The following KIF1A variants were observed in gnomAD, a reference collection of about 807,000 sequenced individuals.
The protein encoded by KIF1A is kinesin family member 1A, also known as kinesin-like protein KIF1A.
In KIF1A, 46 loss-of-function variants were observed where a neutral mutation model predicts 227.3. That is an observed-to-expected ratio of 0.20 (90% CI 0.16 to 0.26). The LOEUF (loss-of-function observed/expected upper bound fraction) is 0.26. KIF1A is among the 10% of genes least tolerant of loss of function. The pLI, the probability that KIF1A is intolerant of heterozygous loss-of-function variation, is 1.00. For missense variants in KIF1A, 1,683 were observed against 2,485.9 expected (o/e 0.68, Z 6.87); for synonymous variants, 1,022 against 1,012.8 (o/e 1.01, Z -0.17).
intron 41 of KIF1A, 42 bp downstream of exon 41, chr2:240,723,933 C>G (rs749582070): frequency 6.4e-7 from 1 of 1,551,554 alleles, no homozygotes; most frequent in African/African-American, 1.4e-5. Context: ...AGAGGTTGAG[C>G]AGGCCAGGAA....
chr2:240,733,089 C>T (rs1434917834), intron 38 of KIF1A, among the ~76,000 whole-genome samples: 2 of 151,886 alleles, frequency 1.3e-5, no homozygotes, highest in East Asian at 1.9e-4. Flanking sequence ...TCTGACCCAC[C>T]TGGACAGACT....
At chr2:240,803,643 G>T (rs948273082) in intron 1 of KIF1A, among the ~76,000 whole-genome samples, 2 of 152,148 alleles carry the variant, frequency 1.3e-5, no homozygotes, top group Admixed American at 1.3e-4. Context: ...AAATGCAAAA[G>T]GGTAAACAGT....
At chr2:240,771,940 C>A (rs745455458) in intron 14 of KIF1A, among the ~76,000 whole-genome samples, 1 of 152,180 alleles carries the variant, frequency 6.6e-6, no homozygotes, top group African/African-American at 2.4e-5. Context: ...GCAGCAAGCA[C>A]GGGACCACAC....
intron 15 of KIF1A, among the ~76,000 whole-genome samples, chr2:240,770,399 T>C (rs890707144): frequency 7.9e-5 from 12 of 152,076 alleles, no homozygotes; most frequent in African/African-American, 2.9e-4. Context: ...TGGAGGGAGC[T>C]CAGGAACCTG....
intron 38 of KIF1A, among the ~76,000 whole-genome samples, chr2:240,732,772 GATAA>G (rs2046876573): frequency 7.9e-5 from 1 of 12,592 alleles, no homozygotes; most frequent in Non-Finnish European, 1.9e-4. Flanking sequence ...ATGAGGGAGG[GATAA>G]GGGATGAGGG....
In KIF1A at chr2:240,757,563, G is replaced by A. The variant is rs762926012; in HGVS notation, c.2614C>T (p.Leu872Phe). The A allele has an allele frequency of 6.4e-7, 1 of 1,550,630 alleles. No homozygotes were observed. Among genetic ancestry groups the A allele is most frequent in the South Asian group, 1.2e-5 (1 of 84,044 alleles). ...CGCTCGCTCATGCATGTGTTGAGAA[G>A]AGGGTAGCTGTTGCAGCCAGAGATG... ...SAISGCNSYPLLNTCMSERMA... is the reference protein window; with the variant it reads ...SAISGCNSYPFLNTCMSERMA... The change falls in exon 27 of 49, where the codon CTT becomes TTT. Residue 872 changes from leucine to phenylalanine, a missense_variant. Around this residue, in one of 12 missense-constraint regions of KIF1A, gnomAD observed 759 missense variants for 1,020.2 expected, o/e 0.74. Coordinates refer to ENST00000498729, the MANE Select transcript of KIF1A (RefSeq NM_001244008.2). This position sits in a 1 kb window ranked among gnomAD's most constrained non-coding sequence, Gnocchi z 6.2.
Position 240,765,705 on chromosome 2 carries a change from C to T in KIF1A, c.1768+5G>A. On this transcript the variant is annotated splice_donor_5th_base_variant and intron_variant, in intron 20 of 48. Coordinates refer to ENST00000498729, the MANE Select transcript of KIF1A (RefSeq NM_001244008.2). Reference sequence around the variant, plus strand: ...CTGACTGGCCCCCGGAGTCCCCAGCCATACCTGAACGCAGGATGCTGGGCT... The same window carrying T: ...CTGACTGGCCCCCGGAGTCCCCAGCTATACCTGAACGCAGGATGCTGGGCT... 1 of 1,611,844 alleles carries T rather than the reference C, an allele frequency of 6.2e-7. No homozygotes were observed. Among genetic ancestry groups the T allele is most frequent in the South Asian group, 1.1e-5 (1 of 90,976 alleles).
At chr2:240,780,390 A>G (rs932013829) in intron 10 of KIF1A, among the ~76,000 whole-genome samples, 5 of 151,730 alleles carry the variant, frequency 3.3e-5, no homozygotes, top group Non-Finnish European at 7.4e-5. Flanking sequence ...ACGAGCGCAC[A>G]CTTTCCCCAA....
At chr2:240,787,819 TGGA>T (rs2126089697) in intron 4 of KIF1A, among the ~76,000 whole-genome samples, 1 of 152,296 alleles carries the variant, frequency 6.6e-6, no homozygotes, top group African/African-American at 2.4e-5. Context: ...ATGATCAAGG[TGGA>T]CCCTGTCCAA....
chr2:240,734,658 G>T, intron 38 of KIF1A: 1 of 1,247,270 alleles, frequency 8.0e-7, no homozygotes, highest in Non-Finnish European at 1.1e-6. Context: ...CAGGGGAGGA[G>T]CAGGGAGGAA....
intron 1 of KIF1A, among the ~76,000 whole-genome samples, chr2:240,802,387 A>G (rs1559542156): frequency 6.6e-6 from 1 of 152,242 alleles, no homozygotes; most frequent in Non-Finnish European, 1.5e-5. Flanking sequence ...AAGGAGAAAA[A>G]CAGAATATGA....
At position 240,713,967 on chromosome 2, in the gene KIF1A, CA is replaced by C. The variant is rs1294590710; in HGVS notation, c.*3396del. On this transcript the variant is annotated 3_prime_UTR_variant, in exon 49 of 49. Transcript: ENST00000498729. ...AGCCAGGGACGCGGCCTCTGAGCCA[CA>C]GGGGAACCAGGGGACGGACTAACTA... 1 of 152,852 alleles carries C rather than the reference CA, an allele frequency of 6.5e-6. No individual in the cohort carries two copies. The highest frequency in any genetic ancestry group is 2.4e-5 in the African/African-American group (1 of 41,458). 9.5% of individuals were successfully genotyped at this position (152,852 alleles called of 1,614,324 possible). A position where few individuals can be genotyped will look rare whatever the true frequency, so the allele number is the denominator to read the frequency against.
intron 10 of KIF1A, among the ~76,000 whole-genome samples, chr2:240,779,939 A>T (rs1312107189): frequency 6.6e-6 from 1 of 151,924 alleles, no homozygotes; most frequent in East Asian, 1.9e-4. Context: ...GTTTTCAAAC[A>T]GCTCTCCACA....
At chr2:240,772,963 C>T in intron 13 of KIF1A, 151 bp downstream of exon 13, 1 of 857,514 alleles carries the variant, frequency 1.2e-6, no homozygotes, top group East Asian at 2.7e-5. Flanking sequence ...GGATTTGGCC[C>T]AGAGGGGCTC....
chr2:240,806,712 G>A (rs1240670586), intron 1 of KIF1A, among the ~76,000 whole-genome samples: 1 of 152,030 alleles, frequency 6.6e-6, no homozygotes, highest in Admixed American at 6.6e-5. Flanking sequence ...GACCTGCCAA[G>A]AACCAGGAAA....
chr2:240,771,601 C>T (rs554245413), intron 14 of KIF1A, among the ~76,000 whole-genome samples: 11 of 152,154 alleles, frequency 7.2e-5, no homozygotes, highest in South Asian at 2.1e-4. Flanking sequence ...ACTGGCTTGG[C>T]GTGGTCACCC....
Position 240,755,953 on chromosome 2 carries a change from G to A in KIF1A, c.2858+1366C>T, listed in dbSNP as rs533478030. Among the ~76,000 whole-genome samples the A allele has an allele frequency of 6.6e-5, 10 of 152,110 alleles. No homozygotes were observed. The South Asian group carries it at 2.1e-3, about 32-fold the overall frequency. ...GGGCCCTGCAGAGTGGGAAGTACAG[G>A]CCCAGAGCATCTCGGAGGGAGAGTG... On this transcript the variant is annotated intron_variant, in intron 27 of 48. Coordinates refer to ENST00000498729, the MANE Select transcript of KIF1A (RefSeq NM_001244008.2).
Position 240,788,068 on chromosome 2 carries a change from G to C in KIF1A, c.346C>G (p.Gln116Glu). 1 of 1,572,032 alleles carries C rather than the reference G, an allele frequency of 6.4e-7. No homozygotes were observed. The highest frequency in any genetic ancestry group is 1.8e-5 in the Admixed American group (1 of 54,254). The change falls in exon 4 of 49, where the codon CAG becomes GAG. Residue 116 changes from glutamine (Q) to glutamate (E), a missense_variant. Gln to Glu is a conservative substitution (Grantham distance 29). Around this residue, in one of 12 missense-constraint regions of KIF1A, gnomAD observed 75 missense variants for 131.2 expected, o/e 0.57. Coordinates refer to ENST00000498729, the MANE Select transcript of KIF1A (RefSeq NM_001244008.2). This position sits in a 1 kb window ranked among gnomAD's most constrained non-coding sequence, Gnocchi z 6.6. ...TMMGKQEKDQ[Q>E]GIIPQLCEDL... is the part of the protein sequence containing the mutation. Reference sequence around the variant, plus strand: ...CTTCGTGCCTGTGGGATGATGCCCTGCTGGTCCTTCTCCTGCTTGCCCATC... The same window carrying C: ...CTTCGTGCCTGTGGGATGATGCCCTCCTGGTCCTTCTCCTGCTTGCCCATC...
intron 10 of KIF1A, among the ~76,000 whole-genome samples, chr2:240,780,546 C>T (rs1427838419): frequency 2.0e-5 from 3 of 152,022 alleles, no homozygotes; most frequent in Admixed American, 6.5e-5. Context: ...GAGCTCTGCA[C>T]GGTTCCCTCA....
Sources: allele counts gnomAD v4.1 joint callset (sites outside exome capture counted in the v4.1 genomes callset), GRCh38; gene constraint gnomAD v4.1.1; regional missense constraint gnomAD v4.1.1; non-coding constraint Gnocchi (gnomAD v3.1); transcripts MANE v1.5; gene names NCBI Gene and HGNC (gene_info 2026-07-23, HGNC 2026-07-21).